Variants in RTTN observed in about 807,000 individuals in gnomAD.
The protein encoded by RTTN is rotatin.
Under a neutral mutation model 269.2 loss-of-function variants are expected in RTTN, and 182 were observed. That is an observed-to-expected ratio of 0.68 (90% CI 0.60 to 0.76). The LOEUF (loss-of-function observed/expected upper bound fraction) is 0.76. Ranked by LOEUF, RTTN falls within the 30% of genes least tolerant of loss-of-function variation. The pLI is 0.00. For missense variants in RTTN, 2,545 were observed against 2,608.6 expected (o/e 0.98, Z 0.53); for synonymous variants, 1,006 against 963.5 (o/e 1.04, Z -0.82).
chr18:70,202,862 A>G (rs2146193306), intron 3 of RTTN, among the ~76,000 whole-genome samples: 1 of 152,376 alleles, frequency 6.6e-6, no homozygotes, highest in African/African-American at 2.4e-5. Context: ...ACAAAACTCA[A>G]TAAATGACAG....
In RTTN at chr18:70,066,009, A is replaced by G. The variant is rs572386892; in HGVS notation, c.4654-87T>C. Reference sequence around the variant, plus strand: ...ACATACACACAAGATATCCTTAAACAAGGAGGTTTAAGACAAAATTATACT... The same window carrying G: ...ACATACACACAAGATATCCTTAAACGAGGAGGTTTAAGACAAAATTATACT... On this transcript the variant is annotated intron_variant, in intron 34 of 48. Coordinates refer to ENST00000640769, the MANE Select transcript of RTTN (RefSeq NM_173630.4). 221 of 776,458 alleles carry G rather than the reference A, an allele frequency of 2.8e-4. No homozygotes were observed. The African/African-American group carries it at 3.6e-3, about 13-fold the overall frequency. The allele number at this position is 776,458 out of a possible 1,614,324, so 48.1% of individuals were successfully genotyped here. A position where few individuals can be genotyped will look rare whatever the true frequency, so the allele number is the denominator to read the frequency against.
intron 26 of RTTN, among the ~76,000 whole-genome samples, chr18:70,116,782 C>T (rs1465767029): frequency 6.6e-6 from 1 of 151,934 alleles, no homozygotes; most frequent in Non-Finnish European, 1.5e-5. Context: ...ACTGCAAGAC[C>T]CTCAATAATG....
intron 23 of RTTN, chr18:70,131,957 T>G (rs931630215): frequency 4.1e-5 from 6 of 147,166 alleles, no homozygotes; most frequent in Non-Finnish European, 9.0e-5. Context: ...AAAAAAAAAG[T>G]ACATTTAAGG....
At chr18:70,128,246 A>G in intron 24 of RTTN, 112 bp downstream of exon 24, 1 of 768,124 alleles carries the variant, frequency 1.3e-6, no homozygotes, top group South Asian at 2.1e-5. Context: ...AAAAAGCAGA[A>G]TCAGATGATA....
chr18:70,133,991 C>G lies in RTTN; in HGVS notation c.2954+482G>C, dbSNP rs74876927. ...TTGGAGATAACTGGAGAAACCACACCATGTTATAGAATTATTTTTAATCTT... is the reference window on the plus strand; with the variant it reads ...TTGGAGATAACTGGAGAAACCACACGATGTTATAGAATTATTTTTAATCTT... On this transcript the variant is annotated intron_variant, in intron 23 of 48. Transcript: ENST00000640769. 5.0e-3 allele frequency among the ~76,000 whole-genome samples: 760 copies of G among 152,110 alleles called. 5 individuals are homozygous for G. Among genetic ancestry groups the G allele is most frequent in the African/African-American group, 0.017 (720 of 41,498 alleles).
At chr18:70,117,286 T>G (rs1425413764) in intron 26 of RTTN, among the ~76,000 whole-genome samples, 3 of 152,136 alleles carry the variant, frequency 2.0e-5, no homozygotes, top group Non-Finnish European at 4.4e-5. Context: ...CTGAGCTTCT[T>G]AAATCATTTC....
At chr18:70,006,298 C>T (rs1025845687) in intron 47 of RTTN, 83 bp downstream of exon 47, 1 of 934,028 alleles carries the variant, frequency 1.1e-6, no homozygotes, top group Non-Finnish European at 1.7e-6. Flanking sequence ...CTCTTGACAC[C>T]TTTGGATGTA....
At position 70,190,690 on chromosome 18, in the gene RTTN, G is replaced by T; in HGVS notation, c.1037C>A (p.Ser346Tyr). Residue 346 changes from serine to tyrosine, a missense_variant, in exon 9 of 49, where the codon TCC (serine) becomes TAC (tyrosine). Coordinates refer to ENST00000640769, the MANE Select transcript of RTTN (RefSeq NM_173630.4). ...CAAAGGTGAATGAACGGATATCCTG[G>T]AGTTTACATGAGCATGACTACTACT... Reference protein sequence around the residue: ...SGSSSHAHVNSRISVHSPLDM... With the variant: ...SGSSSHAHVNYRISVHSPLDM... 1 of 1,610,854 alleles carries T rather than the reference G, an allele frequency of 6.2e-7. No homozygotes were observed. Among genetic ancestry groups the T allele is most frequent in the Non-Finnish European group, 8.5e-7 (1 of 1,177,352 alleles).
At chr18:70,174,317 T>C (rs1157783679) in intron 11 of RTTN, among the ~76,000 whole-genome samples, 1 of 152,162 alleles carries the variant, frequency 6.6e-6, no homozygotes, top group East Asian at 1.9e-4. Context: ...AAAAAGTGCT[T>C]CTTTTTAGTA....
At chr18:70,185,205 T>G (rs2061519926) in intron 10 of RTTN, among the ~76,000 whole-genome samples, 1 of 152,144 alleles carries the variant, frequency 6.6e-6, no homozygotes, top group East Asian at 1.9e-4. Flanking sequence ...CAACTCAAAA[T>G]TAATCAAAGA....
chr18:70,111,529 C>G (rs1356758187), intron 27 of RTTN, among the ~76,000 whole-genome samples: 2 of 151,390 alleles, frequency 1.3e-5, no homozygotes, highest in Non-Finnish European at 3.0e-5. Flanking sequence ...AGATCCCAAC[C>G]GAAGGTCACC....
intron 10 of RTTN, among the ~76,000 whole-genome samples, chr18:70,187,871 G>T (rs1391135134): frequency 6.6e-6 from 1 of 152,126 alleles, no homozygotes; most frequent in African/African-American, 2.4e-5. Context: ...TATCACAGTA[G>T]CTATAACCAC....
intron 43 of RTTN, among the ~76,000 whole-genome samples, chr18:70,025,554 G>A (rs992898584): frequency 6.6e-6 from 1 of 152,134 alleles, no homozygotes; most frequent in Non-Finnish European, 1.5e-5. Context: ...AGCATCAAGT[G>A]GCAGAAGAGA....
intron 23 of RTTN, chr18:70,128,786 T>C (rs542668542): frequency 8.0e-6 from 3 of 376,580 alleles, no homozygotes; most frequent in African/African-American, 4.0e-5. Context: ...CATTCTATGC[T>C]ATATTAGAGT....
rs2061591414 is a variant in RTTN, at chr18:70,188,216, T to C, written c.1197A>G (p.Arg399=). The C allele has an allele frequency of 6.4e-7, 1 of 1,574,102 alleles. No homozygotes were observed. Among genetic ancestry groups the C allele is most frequent in the Non-Finnish European group, 8.7e-7 (1 of 1,145,856 alleles). Residue 399 remains arginine, a synonymous_variant, in exon 10 of 49, where the codon AGA becomes AGG. Coordinates refer to ENST00000640769, the MANE Select transcript of RTTN (RefSeq NM_173630.4). ...ATTCCAGAACTCTTATTATCACTTGTCTGCTACCTAGGAATACAAACAGAA... is the reference window on the plus strand; with the variant it reads ...ATTCCAGAACTCTTATTATCACTTGCCTGCTACCTAGGAATACAAACAGAA... ...SAVPLLRTGS[R]QVIIRVLELL...
intron 14 of RTTN, among the ~76,000 whole-genome samples, chr18:70,151,045 C>G (rs1177949070): frequency 6.6e-6 from 1 of 151,082 alleles, no homozygotes; most frequent in Non-Finnish European, 1.5e-5. Flanking sequence ...AGAAACTTAT[C>G]CTAAGGTGTT....
chr18:70,006,199 TA>T, intron 47 of RTTN, 181 bp downstream of exon 47: 4 of 509,734 alleles, frequency 7.8e-6, no homozygotes, highest in Non-Finnish European at 1.4e-5. Context: ...AATGATTAAA[TA>T]AAAAGATTTC....
chr18:70,196,751 G>A, intron 6 of RTTN, 103 bp from the exon 7 acceptor site: 1 of 1,150,226 alleles, frequency 8.7e-7, no homozygotes, highest in Non-Finnish European at 1.2e-6. Flanking sequence ...ATAATCAAGA[G>A]AAAATAAGTT....
chr18:70,028,918 C>G, intron 42 of RTTN, 117 bp from the exon 43 acceptor site: 1 of 557,516 alleles, frequency 1.8e-6, no homozygotes, highest in Non-Finnish European at 3.1e-6. Context: ...CTAATCATGC[C>G]CAACCACTGT....
Sources: gnomAD v4.1 joint callset for allele counts (sites outside exome capture counted in the v4.1 genomes callset) on GRCh38, gnomAD v4.1.1 for gene constraint, MANE v1.5 for transcripts, NCBI Gene and HGNC (gene_info 2026-07-23, HGNC 2026-07-21) for gene names.